Variants in PARD3B observed in about 807,000 individuals in gnomAD.
PARD3B encodes partitioning defective 3 homolog B.
PARD3B carries 103 observed loss-of-function variants against 130.2 expected under a neutral mutation model. The observed-to-expected ratio is 0.79, with a 90% CI of 0.67 to 0.93. PARD3B has a LOEUF of 0.93. PARD3B is among the 40% of genes least tolerant of loss of function. PARD3B has a pLI of 0.00. For missense variants in PARD3B, 1,609 were observed against 1,499.2 expected (o/e 1.07, Z -1.21); for synonymous variants, 583 against 553.2 (o/e 1.05, Z -0.76).
At chr2:204,880,064 A>T (rs913706330) in intron 2 of PARD3B, among the ~76,000 whole-genome samples, 1 of 152,104 alleles carries the variant, frequency 6.6e-6, no homozygotes, top group African/African-American at 2.4e-5. Flanking sequence ...GTTCTAAAGG[A>T]TTGTTTCTTT....
chr2:205,504,530 C>G (rs2050276371), intron 21 of PARD3B, among the ~76,000 whole-genome samples: 2 of 152,288 alleles, frequency 1.3e-5, no homozygotes, highest in South Asian at 4.1e-4. Context: ...CTACAATGAA[C>G]TCCAACACAT....
intron 2 of PARD3B, among the ~76,000 whole-genome samples, chr2:204,734,079 TAAG>T (rs967396811): frequency 6.6e-6 from 1 of 152,058 alleles, no homozygotes; most frequent in Non-Finnish European, 1.5e-5. Flanking sequence ...AATTTAATAT[TAAG>T]AAGGTACCCT....
intron 20 of PARD3B, among the ~76,000 whole-genome samples, chr2:205,462,393 A>T (rs1304541245): frequency 6.6e-6 from 1 of 152,104 alleles, no homozygotes; most frequent in Non-Finnish European, 1.5e-5. Context: ...GTTTTTTTTG[A>T]CACCTGCACA....
chr2:204,803,956 A>G (rs1366484730), intron 2 of PARD3B, among the ~76,000 whole-genome samples: 1 of 152,152 alleles, frequency 6.6e-6, no homozygotes, highest in Non-Finnish European at 1.5e-5. Context: ...CGAGATAGCT[A>G]ATGCCTGTAA....
chr2:205,037,060 TGTA>T, intron 3 of PARD3B, among the ~76,000 whole-genome samples: 1 of 148,952 alleles, frequency 6.7e-6, no homozygotes. Flanking sequence ...AATATACATA[TGTA>T]GCGGACTGTA....
chr2:204,997,049 C>T (rs923011182), intron 3 of PARD3B, among the ~76,000 whole-genome samples: 1 of 152,174 alleles, frequency 6.6e-6, no homozygotes, highest in Admixed American at 6.5e-5. Context: ...TTCTGCGTCG[C>T]TCACGCTGGG....
At chr2:204,747,420 C>T (rs13394308) in intron 2 of PARD3B, among the ~76,000 whole-genome samples, 48,149 of 151,850 alleles carry the variant, frequency 0.32, 8,908 homozygotes, top group African/African-American at 0.53. Context: ...CACTGCTCAA[C>T]GAAATAAAAG....
intron 18 of PARD3B, among the ~76,000 whole-genome samples, chr2:205,370,939 T>C (rs1574833396): frequency 6.6e-6 from 1 of 152,154 alleles, no homozygotes; most frequent in Non-Finnish European, 1.5e-5. Context: ...TTCTTGTGTA[T>C]GTCATTTCAT....
Position 205,125,780 on chromosome 2 carries a change from C to A in PARD3B, c.1434+43C>A. 6.2e-7 allele frequency: 1 copy of A among 1,606,766 alleles called. No homozygotes were observed. Among genetic ancestry groups the A allele is most frequent in the Non-Finnish European group, 8.5e-7 (1 of 1,175,484 alleles). On this transcript the variant is annotated intron_variant, in intron 10 of 22. Coordinates refer to ENST00000406610, the MANE Select transcript of PARD3B (RefSeq NM_001302769.2). The surrounding 1 kb of genome is among the most constrained non-coding windows in gnomAD (Gnocchi z 4.0). ...GTCTCACTGAATTTTTAATGCCGAGCTTAATACACTCAATGAACTCATTAT... is the reference window on the plus strand; with the variant it reads ...GTCTCACTGAATTTTTAATGCCGAGATTAATACACTCAATGAACTCATTAT...
intron 21 of PARD3B, among the ~76,000 whole-genome samples, chr2:205,537,788 T>C (rs901641587): frequency 1.3e-5 from 2 of 152,244 alleles, no homozygotes; most frequent in African/African-American, 4.8e-5. Context: ...AACTGTTCAA[T>C]AATGTAATAA....
At chr2:205,536,392 G>A (rs1039370477) in intron 21 of PARD3B, among the ~76,000 whole-genome samples, 12 of 152,198 alleles carry the variant, frequency 7.9e-5, no homozygotes, top group Admixed American at 1.3e-4. Context: ...GAGTTTTGCC[G>A]CTCTGTGAAT....
chr2:204,693,574 C>G (rs545624815), intron 2 of PARD3B, among the ~76,000 whole-genome samples: 33 of 152,038 alleles, frequency 2.2e-4, no homozygotes, highest in Non-Finnish European at 4.0e-4. Flanking sequence ...TTGTAATTAA[C>G]ACACTATTAA....
intron 2 of PARD3B, among the ~76,000 whole-genome samples, chr2:204,809,476 C>T (rs1423563093): frequency 6.6e-6 from 1 of 152,006 alleles, no homozygotes; most frequent in East Asian, 1.9e-4. Flanking sequence ...AATGGTCCAG[C>T]TTGAATCTTC....
At chr2:204,851,097 C>T (rs981914054) in intron 2 of PARD3B, among the ~76,000 whole-genome samples, 44 of 152,206 alleles carry the variant, frequency 2.9e-4, no homozygotes, top group African/African-American at 9.4e-4. Context: ...AATAGAATGT[C>T]GATGTTCGAA....
rs1444585216 is a variant in PARD3B, at chr2:205,591,873, C to G, written c.3261-23583C>G. On this transcript the variant is annotated intron_variant, in intron 22 of 22. Coordinates refer to ENST00000406610, the MANE Select transcript of PARD3B (RefSeq NM_001302769.2). This position sits in a 1 kb window ranked among gnomAD's most constrained non-coding sequence, Gnocchi z 4.2. ...GAGAGCAAAGCCTGAGAAAGAATCT[C>G]ATAAAAGACAAAGGCAAAGGTTCTG... Among the ~76,000 whole-genome samples, 24 of 152,184 alleles carry G rather than the reference C, an allele frequency of 1.6e-4. No homozygotes were observed. The highest frequency in any genetic ancestry group is 1.6e-3 in the Admixed American group (24 of 15,276).
At chr2:205,543,594 T>C (rs996561120) in intron 21 of PARD3B, among the ~76,000 whole-genome samples, 1 of 152,198 alleles carries the variant, frequency 6.6e-6, no homozygotes, top group Non-Finnish European at 1.5e-5. Context: ...AAATGTTGCT[T>C]TGGGGTCAGA....
At chr2:204,553,047 A>G (rs2030581255) in intron 1 of PARD3B, among the ~76,000 whole-genome samples, 1 of 152,070 alleles carries the variant, frequency 6.6e-6, no homozygotes, top group Admixed American at 6.6e-5. Context: ...AATGAACTCA[A>G]ACAAATTAGC....
At chr2:204,663,261 C>T (rs1421081609) in intron 1 of PARD3B, among the ~76,000 whole-genome samples, 2 of 152,162 alleles carry the variant, frequency 1.3e-5, no homozygotes, top group Admixed American at 6.5e-5. Flanking sequence ...GAGCTAGCCT[C>T]GGCTTCCTGA....
At chr2:204,704,019 G>A (rs1256162946) in intron 2 of PARD3B, among the ~76,000 whole-genome samples, 2 of 151,958 alleles carry the variant, frequency 1.3e-5, no homozygotes, top group African/African-American at 4.8e-5. Flanking sequence ...TCCAGATATG[G>A]CATAAATGTT....
Sources: allele counts gnomAD v4.1 joint callset (sites outside exome capture counted in the v4.1 genomes callset), GRCh38; gene constraint gnomAD v4.1.1; non-coding constraint Gnocchi (gnomAD v3.1); transcripts MANE v1.5; gene names NCBI Gene and HGNC (gene_info 2026-07-23, HGNC 2026-07-21).